TMTC2: variants seen among roughly 807,000 people sequenced by gnomAD.
TMTC2 encodes the protein transmembrane O-mannosyltransferase targeting cadherins 2.
Under a neutral mutation model 82.4 loss-of-function variants are expected in TMTC2, and 43 were observed. The observed-to-expected ratio is 0.52, with a 90% CI of 0.41 to 0.67. The LOEUF is 0.67. Among genes scored for constraint, TMTC2 ranks in the 30% least tolerant of loss-of-function variants. The pLI, the probability that TMTC2 is intolerant of heterozygous loss-of-function variation, is 0.00. For missense variants in TMTC2, 919 were observed against 1,012.4 expected, an observed-to-expected ratio of 0.91 and a Z score of 1.25; for synonymous variants, 408 against 381.9, an observed-to-expected ratio of 1.07 and a Z score of -0.80.
intron 2 of TMTC2, among the ~76,000 whole-genome samples, chr12:82,864,792 C>T (rs868157319): frequency 1.5e-4 from 22 of 151,592 alleles, no homozygotes; most frequent in South Asian, 6.3e-4. Flanking sequence ...TGAGCCACCG[C>T]GCCCGGCCTA....
chr12:83,104,850 C>T (rs1884343444), intron 11 of TMTC2, among the ~76,000 whole-genome samples: 1 of 152,212 alleles, frequency 6.6e-6, no homozygotes, highest in African/African-American at 2.4e-5. Flanking sequence ...CATGGCCAGA[C>T]TACAGAATGT....
chr12:83,000,141 ATT>A (rs35324172), intron 8 of TMTC2, among the ~76,000 whole-genome samples: 4 of 150,736 alleles, frequency 2.7e-5, no homozygotes, highest in Non-Finnish European at 4.4e-5. Context: ...GGGGCAGTCA[ATT>A]TTTTTTTTTG....
intron 1 of TMTC2, among the ~76,000 whole-genome samples, chr12:82,792,668 G>C (rs922247390): frequency 2.0e-5 from 3 of 151,756 alleles, no homozygotes; most frequent in Non-Finnish European, 4.4e-5. Flanking sequence ...AGAGATGGGG[G>C]TCTTGCTATG....
At chr12:82,732,901 G>T (rs1201021069) in intron 1 of TMTC2, among the ~76,000 whole-genome samples, 1 of 152,170 alleles carries the variant, frequency 6.6e-6, no homozygotes, top group African/African-American at 2.4e-5. Context: ...TGCCTTAAAA[G>T]GACCTTGTTG....
At chr12:83,025,049 C>T (rs11115539) in intron 8 of TMTC2, among the ~76,000 whole-genome samples, 105,999 of 151,874 alleles carry the variant, frequency 0.7, 37,041 homozygotes, top group East Asian at 0.85. Context: ...AAAAATTAGC[C>T]GGGTGTGGTG....
intron 1 of TMTC2, among the ~76,000 whole-genome samples, chr12:82,760,684 G>A (rs555217537): frequency 3.9e-5 from 6 of 152,130 alleles, no homozygotes; most frequent in Non-Finnish European, 7.4e-5. Flanking sequence ...AACTTCATCT[G>A]TATTTACAGC....
intron 3 of TMTC2, among the ~76,000 whole-genome samples, chr12:82,929,413 G>A (rs1875903158): frequency 6.6e-6 from 1 of 152,088 alleles, no homozygotes; most frequent in African/African-American, 2.4e-5. Flanking sequence ...TGAAACAGAT[G>A]AGACACTATT....
chr12:82,970,358 T>C (rs1592665391), intron 7 of TMTC2, among the ~76,000 whole-genome samples: 1 of 152,250 alleles, frequency 6.6e-6, no homozygotes, highest in East Asian at 1.9e-4. Context: ...GGAGTCTCGC[T>C]CTGTCGCCCA....
At chr12:83,115,195 T>C (rs1211055709) in intron 11 of TMTC2, among the ~76,000 whole-genome samples, 1 of 152,190 alleles carries the variant, frequency 6.6e-6, no homozygotes, top group African/African-American at 2.4e-5. Context: ...AATATGATTA[T>C]GATTGAGAAA....
At chr12:83,005,746 C>T (rs777637377) in intron 8 of TMTC2, among the ~76,000 whole-genome samples, 1 of 152,112 alleles carries the variant, frequency 6.6e-6, no homozygotes. Flanking sequence ...GCTCCCAGGC[C>T]ACTAGCAAAG....
At chr12:82,963,813 AT>A (rs1878053624) in intron 4 of TMTC2, among the ~76,000 whole-genome samples, 3 of 78,364 alleles carry the variant, frequency 3.8e-5, no homozygotes, top group Non-Finnish European at 7.2e-5. Flanking sequence ...ATATATATAT[AT>A]ATATATATAT....
intron 2 of TMTC2, among the ~76,000 whole-genome samples, chr12:82,876,138 G>A (rs1404025404): frequency 6.9e-6 from 1 of 145,776 alleles, no homozygotes; most frequent in Non-Finnish European, 1.5e-5. Flanking sequence ...TAATGGTGGT[G>A]GTGGTGGTGG....
chr12:83,085,318 A>G (rs1157668700), intron 11 of TMTC2, among the ~76,000 whole-genome samples: 1 of 152,218 alleles, frequency 6.6e-6, no homozygotes, highest in Non-Finnish European at 1.5e-5. Flanking sequence ...ATTACCCTTT[A>G]TCTGACTTAC....
intron 1 of TMTC2, among the ~76,000 whole-genome samples, chr12:82,733,717 G>A (rs984709761): frequency 2.0e-5 from 3 of 152,196 alleles, no homozygotes; most frequent in Non-Finnish European, 2.9e-5. Context: ...AGTAAGGTAC[G>A]TGGTGACACT....
At chr12:82,752,550 G>A (rs1876072483) in intron 1 of TMTC2, among the ~76,000 whole-genome samples, 2 of 152,046 alleles carry the variant, frequency 1.3e-5, no homozygotes, top group Non-Finnish European at 2.9e-5. Context: ...CGATAGGGGC[G>A]CTGTTTATAG....
In TMTC2 at chr12:83,029,338, C is replaced by A. The variant is rs150972012; in HGVS notation, c.2071-1460C>A. 6.5e-3 allele frequency among the ~76,000 whole-genome samples: 994 copies of A among 152,054 alleles called. 9 individuals carry two copies. The highest frequency in any genetic ancestry group is 0.022 in the African/African-American group (926 of 41,450). ...ATGCATGAACCTTTTTAAAAAAAAA[C>A]TGATCAGCTATCATTAGTGTTAGTG... On this transcript the variant is annotated intron_variant, in intron 8 of 11. Coordinates refer to ENST00000321196, the MANE Select transcript of TMTC2 (RefSeq NM_152588.3).
At chr12:82,924,356 G>A (rs1177829462) in intron 3 of TMTC2, among the ~76,000 whole-genome samples, 2 of 152,186 alleles carry the variant, frequency 1.3e-5, no homozygotes, top group Non-Finnish European at 2.9e-5. Flanking sequence ...AGCAAGAGAG[G>A]AGGATGTTTG....
At chr12:82,802,246 G>T (rs1879045069) in intron 1 of TMTC2, among the ~76,000 whole-genome samples, 1 of 152,166 alleles carries the variant, frequency 6.6e-6, no homozygotes, top group Non-Finnish European at 1.5e-5. Context: ...GCTGGGGGCG[G>T]CAGGGCCCGC....
intron 2 of TMTC2, among the ~76,000 whole-genome samples, chr12:82,893,279 G>A (rs1256907852): frequency 6.6e-6 from 1 of 151,744 alleles, no homozygotes; most frequent in Admixed American, 6.6e-5. Context: ...GCTGAGGCAG[G>A]AGGATTGCTT....
Sources: allele counts gnomAD v4.1 joint callset (sites outside exome capture counted in the v4.1 genomes callset), GRCh38; gene constraint gnomAD v4.1.1; transcripts MANE v1.5; gene names NCBI Gene and HGNC (gene_info 2026-07-23, HGNC 2026-07-21).